KCNH7: variants seen among roughly 807,000 people sequenced by gnomAD.
The protein encoded by KCNH7 is voltage-gated inwardly rectifying potassium channel KCNH7.
A neutral mutation model predicts 120.8 loss-of-function variants in KCNH7; 49 were observed. That is an observed-to-expected ratio of 0.41 (90% CI 0.32 to 0.51). KCNH7 has a LOEUF of 0.51. Among genes scored for constraint, KCNH7 ranks in the 20% least tolerant of loss-of-function variants. The pLI is 0.38. For synonymous variants in KCNH7, 547 were observed against 516.1 expected (o/e 1.06, Z -0.81); for missense variants, 1,097 against 1,446.6 (o/e 0.76, Z 3.92).
chr2:162,713,998 T>A (rs1371423677), intron 2 of KCNH7, among the ~76,000 whole-genome samples: 3 of 152,220 alleles, frequency 2.0e-5, no homozygotes, highest in African/African-American at 7.2e-5. Flanking sequence ...ATCCACCGCC[T>A]CGGCCTCCCA....
At chr2:162,665,806 C>T (rs938769741) in intron 2 of KCNH7, among the ~76,000 whole-genome samples, 1 of 152,038 alleles carries the variant, frequency 6.6e-6, no homozygotes, top group Non-Finnish European at 1.5e-5. Context: ...TTAAACTATG[C>T]AGGGAGTCAT....
intron 6 of KCNH7, among the ~76,000 whole-genome samples, chr2:162,449,451 A>G (rs1688693160): frequency 1.3e-5 from 2 of 152,182 alleles, no homozygotes; most frequent in African/African-American, 4.8e-5. Flanking sequence ...CATAATTCCC[A>G]GTACCTATGA....
intron 2 of KCNH7, among the ~76,000 whole-genome samples, chr2:162,563,764 AT>A (rs1307591296): frequency 3.3e-5 from 5 of 152,250 alleles, no homozygotes; most frequent in Admixed American, 1.3e-4. Context: ...ACTTCATGGC[AT>A]TGTCTCCTTT....
At chr2:162,728,741 G>T (rs1349927583) in intron 2 of KCNH7, among the ~76,000 whole-genome samples, 2 of 152,130 alleles carry the variant, frequency 1.3e-5, no homozygotes, top group African/African-American at 4.8e-5. Flanking sequence ...TTGCGCCATT[G>T]TACTCCAGCC....
chr2:162,808,127 C>T (rs545707646), intron 2 of KCNH7, among the ~76,000 whole-genome samples: 3 of 152,330 alleles, frequency 2.0e-5, no homozygotes, highest in Non-Finnish European at 2.9e-5. Flanking sequence ...ATAACCTACA[C>T]ACATCTCCTG....
At chr2:162,742,433 G>A (rs1048841237) in intron 2 of KCNH7, among the ~76,000 whole-genome samples, 1 of 151,836 alleles carries the variant, frequency 6.6e-6, no homozygotes, top group Non-Finnish European at 1.5e-5. Context: ...TGAATCTACT[G>A]TTGATATAAA....
At chr2:162,518,632 G>T (rs1691403474) in intron 3 of KCNH7, among the ~76,000 whole-genome samples, 1 of 151,688 alleles carries the variant, frequency 6.6e-6, no homozygotes, top group South Asian at 2.1e-4. Context: ...GTGAGGTAAA[G>T]AATAGACCTT....
chr2:162,693,184 C>T (rs1197158912), intron 2 of KCNH7, among the ~76,000 whole-genome samples: 2 of 152,130 alleles, frequency 1.3e-5, no homozygotes, highest in Non-Finnish European at 2.9e-5. Context: ...GTTAAAATTG[C>T]TCATTGAAAA....
chr2:162,669,015 G>A (rs1376019157), intron 2 of KCNH7, among the ~76,000 whole-genome samples: 2 of 152,068 alleles, frequency 1.3e-5, no homozygotes, highest in Non-Finnish European at 2.9e-5. Context: ...GAAATGTAAC[G>A]AAAAGGCAGC....
At chr2:162,449,133 A>G (rs1688680366) in intron 6 of KCNH7, among the ~76,000 whole-genome samples, 1 of 152,002 alleles carries the variant, frequency 6.6e-6, no homozygotes, top group Non-Finnish European at 1.5e-5. Context: ...TATTTTACTA[A>G]AGAATAAAAT....
At chr2:162,513,607 C>T (rs562562296) in intron 4 of KCNH7, among the ~76,000 whole-genome samples, 1 of 151,612 alleles carries the variant, frequency 6.6e-6, no homozygotes, top group East Asian at 2.0e-4. Context: ...GCCTGAGCCT[C>T]CTTAGTAGCT....
At chr2:162,681,147 G>A (rs552978131) in intron 2 of KCNH7, among the ~76,000 whole-genome samples, 13 of 151,392 alleles carry the variant, frequency 8.6e-5, no homozygotes, top group African/African-American at 3.1e-4. Flanking sequence ...AACAAGAGAG[G>A]CAAAATAAAA....
chr2:162,504,442 C>T lies in KCNH7; in HGVS notation c.1128+1G>A, dbSNP rs1558982178. 6 of 1,607,156 alleles carry T rather than the reference C, an allele frequency of 3.7e-6. No individual in the cohort carries two copies. Among genetic ancestry groups the T allele is most frequent in the Admixed American group, 1.7e-5 (1 of 59,890 alleles). ...AAATTGATAAGAAAATTGTGTCCTA[C>T]CTGGGTCACTTTCTCAGTCACATTG... On this transcript the variant is annotated splice_donor_variant, in intron 6 of 15. Transcript: ENST00000332142. LOFTEE classifies it high-confidence loss of function.
In KCNH7 at chr2:162,504,647, A is replaced by C. The variant is rs769035261; in HGVS notation, c.924T>G (p.Asn308Lys). The part of the protein sequence containing the change: ...DNGRNVKGPF[N>K]HIKSSLLGST... ...ATCCCAGGAGGCTTGACTTGATATGATTAAAAGGCCCTAAAAAAATGGAAA... is the reference window on the plus strand; with the variant it reads ...ATCCCAGGAGGCTTGACTTGATATGCTTAAAAGGCCCTAAAAAAATGGAAA... The change falls in exon 6 of 16, where the codon AAT (asparagine) becomes AAG (lysine). Residue 308 changes from asparagine to lysine, a missense_variant. Physicochemically the swap from Asn to Lys is moderately conservative, Grantham distance 94. This residue lies in a region of KCNH7 where 362 missense variants were observed against 372.2 expected (regional missense o/e 0.97). Coordinates refer to ENST00000332142, the MANE Select transcript of KCNH7 (RefSeq NM_033272.4). 1.9e-6 allele frequency: 3 copies of C among 1,607,046 alleles called. No homozygotes were observed. The highest frequency in any genetic ancestry group is 2.6e-6 in the Non-Finnish European group (3 of 1,174,710).
intron 2 of KCNH7, among the ~76,000 whole-genome samples, chr2:162,732,918 C>T (rs1307832330): frequency 1.3e-5 from 2 of 152,272 alleles, no homozygotes; most frequent in African/African-American, 4.8e-5. Context: ...TAATCTGGCA[C>T]TTTGTTTTAA....
At chr2:162,729,400 A>G (rs570271085) in intron 2 of KCNH7, among the ~76,000 whole-genome samples, 1 of 150,470 alleles carries the variant, frequency 6.6e-6, no homozygotes, top group South Asian at 2.1e-4. Flanking sequence ...ATGTCCCCCA[A>G]TTTTGTTTTT....
intron 2 of KCNH7, among the ~76,000 whole-genome samples, chr2:162,736,062 T>C: frequency 6.6e-6 from 1 of 151,996 alleles, no homozygotes; most frequent in Non-Finnish European, 1.5e-5. Flanking sequence ...ATAATACATA[T>C]AATAAAAAAT....
At chr2:162,413,814 C>A (rs112483622) in intron 9 of KCNH7, among the ~76,000 whole-genome samples, 1 of 151,046 alleles carries the variant, frequency 6.6e-6, no homozygotes, top group African/African-American at 2.4e-5. Context: ...TATTTTGTAT[C>A]CAAAATAGTC....
intron 2 of KCNH7, among the ~76,000 whole-genome samples, chr2:162,790,330 G>A (rs1247416315): frequency 6.6e-6 from 1 of 151,722 alleles, no homozygotes; most frequent in Non-Finnish European, 1.5e-5. Context: ...AAGAAATAAA[G>A]TTGAAGCAGT....
Sources: allele counts gnomAD v4.1 joint callset (sites outside exome capture counted in the v4.1 genomes callset), GRCh38; gene constraint gnomAD v4.1.1; regional missense constraint gnomAD v4.1.1; transcripts MANE v1.5; gene names NCBI Gene and HGNC (gene_info 2026-07-23, HGNC 2026-07-21).